The following LRRC7 variants were observed in gnomAD, a reference collection of about 807,000 sequenced individuals.
The protein encoded by LRRC7 is leucine-rich repeat-containing protein 7.
LRRC7 carries 23 observed loss-of-function variants against 175.7 expected under a neutral mutation model. The ratio of observed to expected loss-of-function variants is 0.13; its 90% CI spans 0.09 to 0.19. LRRC7 has a LOEUF of 0.19. Among genes scored for constraint, LRRC7 ranks in the 10% least tolerant of loss-of-function variants. The pLI is 1.00. For missense variants in LRRC7, 1,354 were observed against 1,904.7 expected (o/e 0.71, Z 5.38); for synonymous variants, 685 against 680.9 (o/e 1.01, Z -0.09).
chr1:69,839,126 CA>C, intron 7 of LRRC7: 1 of 213,714 alleles, frequency 4.7e-6, no homozygotes, highest in South Asian at 5.2e-5. Flanking sequence ...TCTGCTGAAC[CA>C]AAATGTAACC....
At chr1:70,065,666 G>A (rs1309033952) in intron 23 of LRRC7, among the ~76,000 whole-genome samples, 1 of 151,844 alleles carries the variant, frequency 6.6e-6, no homozygotes, top group African/African-American at 2.4e-5. Flanking sequence ...GATGGGGATG[G>A]AAATATCTAG....
At chr1:69,829,862 C>T (rs1680334716) in intron 5 of LRRC7, among the ~76,000 whole-genome samples, 1 of 151,686 alleles carries the variant, frequency 6.6e-6, no homozygotes. Flanking sequence ...ATATTTTCTT[C>T]CTCACAGTTC....
intron 8 of LRRC7, among the ~76,000 whole-genome samples, chr1:69,962,196 G>C (rs1025785180): frequency 2.6e-5 from 4 of 151,976 alleles, no homozygotes; most frequent in Admixed American, 1.3e-4. Context: ...CTCAAAAGAA[G>C]ACATACATGC....
intron 2 of LRRC7, chr1:69,716,195 T>C: frequency 2.1e-6 from 1 of 483,924 alleles, no homozygotes; most frequent in Admixed American, 3.8e-5. Flanking sequence ...CCTAGAAGTC[T>C]GCAGAGACAG....
intron 2 of LRRC7, among the ~76,000 whole-genome samples, chr1:69,691,797 CAAAAAAAAAAAA>C (rs57676937): frequency 1.2e-5 from 1 of 85,214 alleles, no homozygotes; most frequent in African/African-American, 5.0e-5. Flanking sequence ...GACCCTGTCT[CAAAAAAAAAAAA>C]AAAAAAAAAA....
intron 3 of LRRC7, among the ~76,000 whole-genome samples, chr1:69,788,075 C>T (rs987930907): frequency 5.3e-5 from 8 of 151,992 alleles, no homozygotes; most frequent in African/African-American, 1.9e-4. Flanking sequence ...TGCTAAATCC[C>T]TTTGCAGACC....
chr1:69,722,391 G>A (rs1402254796), intron 2 of LRRC7, among the ~76,000 whole-genome samples: 1 of 151,982 alleles, frequency 6.6e-6, no homozygotes, highest in Admixed American at 6.6e-5. Flanking sequence ...ATCTATGTAA[G>A]CATATCTAGA....
intron 7 of LRRC7, among the ~76,000 whole-genome samples, chr1:69,905,624 A>G (rs1439798024): frequency 2.0e-5 from 3 of 152,158 alleles, no homozygotes; most frequent in Non-Finnish European, 4.4e-5. Flanking sequence ...TCCGTGGTGT[A>G]TATGTGCCAC....
Position 70,057,594 on chromosome 1 carries a change from AT to A in LRRC7, c.4230+4461del, listed in dbSNP as rs1009524230. Among the ~76,000 whole-genome samples the A allele has an allele frequency of 8.8e-3, 1,301 of 147,644 alleles. 40 individuals are homozygous for A. Among genetic ancestry groups the A allele is most frequent in the Admixed American group, 0.064 (941 of 14,798 alleles). The stretch of plus-strand genomic sequence containing the variant: ...AGTCTATTTCTCCAAGCCTCTGTAG[AT>A]TTTTTTTTTTTAATCTTGTCTCTCT... On this transcript the variant is annotated intron_variant, in intron 23 of 26. Transcript: ENST00000651989.
rs976581933 is a variant in LRRC7, at chr1:70,064,578, C to T, written c.4230+11433C>T. Among the ~76,000 whole-genome samples the T allele has an allele frequency of 4.6e-5, 7 of 151,956 alleles. No homozygotes were observed. The South Asian group carries it at 1.0e-3, about 23-fold the overall frequency. ...ATAGCCCATTGCACTGTTAAATAACCTCAACACCAGGAATATATTTGATAT... is the reference window on the plus strand; with the variant it reads ...ATAGCCCATTGCACTGTTAAATAACTTCAACACCAGGAATATATTTGATAT... On this transcript the variant is annotated intron_variant, in intron 23 of 26. Transcript: ENST00000651989.
At chr1:69,905,828 A>G (rs1485637380) in intron 7 of LRRC7, among the ~76,000 whole-genome samples, 5 of 152,184 alleles carry the variant, frequency 3.3e-5, no homozygotes, top group East Asian at 1.9e-4. Flanking sequence ...CTGAGGAATC[A>G]CCACACTGAC....
intron 4 of LRRC7, among the ~76,000 whole-genome samples, chr1:69,824,286 A>G (rs556830582): frequency 1.3e-5 from 2 of 152,306 alleles, no homozygotes; most frequent in East Asian, 3.9e-4. Flanking sequence ...CATTGAAGAT[A>G]TTTAAAGAAT....
intron 2 of LRRC7, among the ~76,000 whole-genome samples, chr1:69,710,004 G>T (rs986644229): frequency 6.6e-6 from 1 of 152,074 alleles, no homozygotes; most frequent in South Asian, 2.1e-4. Flanking sequence ...GTCAACCGGT[G>T]TGGTGTCTTA....
chr1:69,971,350 T>C (rs770814422), intron 8 of LRRC7, among the ~76,000 whole-genome samples: 1 of 152,118 alleles, frequency 6.6e-6, no homozygotes, highest in Non-Finnish European at 1.5e-5. Flanking sequence ...TGCTCTCTGA[T>C]ATGATTGTTT....
At chr1:69,853,155 G>T (rs1683176251) in intron 7 of LRRC7, among the ~76,000 whole-genome samples, 1 of 150,938 alleles carries the variant, frequency 6.6e-6, no homozygotes, top group Admixed American at 6.6e-5. Flanking sequence ...TCGAATGATT[G>T]ATTTATGATT....
intron 1 of LRRC7, among the ~76,000 whole-genome samples, chr1:69,656,499 C>T (rs999549636): frequency 3.9e-5 from 6 of 151,900 alleles, no homozygotes; most frequent in South Asian, 2.1e-4. Flanking sequence ...CAATGTAGTA[C>T]TTGGTTCAAT....
chr1:69,988,367 C>T (rs867704737), intron 10 of LRRC7, among the ~76,000 whole-genome samples: 1 of 151,924 alleles, frequency 6.6e-6, no homozygotes, highest in Non-Finnish European at 1.5e-5. Context: ...CCCAGGAATT[C>T]GAGTCCACCC....
chr1:69,668,789 AC>A (rs903691586), intron 1 of LRRC7, among the ~76,000 whole-genome samples: 1 of 152,122 alleles, frequency 6.6e-6, no homozygotes, highest in African/African-American at 2.4e-5. Context: ...CTATTTCTCC[AC>A]ATCCTCTCCA....
chr1:69,983,379 G>A (rs977012639), intron 9 of LRRC7, among the ~76,000 whole-genome samples: 2 of 152,210 alleles, frequency 1.3e-5, no homozygotes, highest in Admixed American at 6.5e-5. Flanking sequence ...ATAAAATTGA[G>A]TTTGAAATCA....
Sources: gnomAD v4.1 joint callset for allele counts (sites outside exome capture counted in the v4.1 genomes callset) on GRCh38, gnomAD v4.1.1 for gene constraint, MANE v1.5 for transcripts, NCBI Gene and HGNC (gene_info 2026-07-23, HGNC 2026-07-21) for gene names.